BMPR2: variants seen among roughly 807,000 people sequenced by gnomAD.
BMPR2 encodes bone morphogenetic protein receptor type-2.
BMPR2 carries 29 observed loss-of-function variants against 100.8 expected under a neutral mutation model. The ratio of observed to expected loss-of-function variants is 0.29; its 90% CI spans 0.21 to 0.39. BMPR2 has a LOEUF of 0.39. Ranked by LOEUF, BMPR2 falls within the 10% of genes least tolerant of loss-of-function variation. The probability of loss-of-function intolerance (pLI) is 1.00; values close to 1 mark genes in which losing one functional copy is unlikely to be tolerated. For missense variants in BMPR2, 1,011 were observed against 1,274.5 expected, an observed-to-expected ratio of 0.79 and a Z score of 3.15; for synonymous variants, 382 against 442.3, an observed-to-expected ratio of 0.86 and a Z score of 1.71.
intron 1 of BMPR2, among the ~76,000 whole-genome samples, chr2:202,378,111 TG>T (rs1559287147): frequency 6.6e-6 from 1 of 152,242 alleles, no homozygotes; most frequent in Non-Finnish European, 1.5e-5. Flanking sequence ...CTTGATATAT[TG>T]TATTATACGG....
chr2:202,388,550 C>T lies in BMPR2; in HGVS notation c.76+11000C>T, dbSNP rs182423908. 7.9e-5 allele frequency among the ~76,000 whole-genome samples: 12 copies of T among 151,696 alleles called. No individual in the cohort carries two copies. The South Asian group carries it at 1.5e-3, about 18-fold the overall frequency. ...CTTTAATCCCAGCACTTTGGGAGGC[C>T]GAAGCGGGCAGATCACGAGGTCAGG... On this transcript the variant is annotated intron_variant, in intron 1 of 12. Coordinates refer to ENST00000374580, the MANE Select transcript of BMPR2 (RefSeq NM_001204.7).
chr2:202,432,149 C>T (rs983995033), intron 1 of BMPR2, among the ~76,000 whole-genome samples: 9 of 150,710 alleles, frequency 6.0e-5, no homozygotes, highest in Admixed American at 5.9e-4. Context: ...TATTAACTCT[C>T]TTCCCTTTCT....
intron 3 of BMPR2, among the ~76,000 whole-genome samples, chr2:202,508,332 C>A (rs2105997875): frequency 6.6e-6 from 1 of 152,128 alleles, no homozygotes; most frequent in South Asian, 2.1e-4. Flanking sequence ...ACCTCGTGAT[C>A]CACCCGCCTG....
chr2:202,501,706 A>G (rs1417891444), intron 3 of BMPR2, among the ~76,000 whole-genome samples: 1 of 152,242 alleles, frequency 6.6e-6, no homozygotes, highest in Non-Finnish European at 1.5e-5. Context: ...TAAATGGCAT[A>G]CTAGGTGCCA....
In BMPR2 at chr2:202,565,322, C is replaced by T. The variant is rs898839039; in HGVS notation, c.*5376C>T. The stretch of plus-strand genomic sequence containing the variant: ...AATTGCTTAAGCTCTTCTCCTCAGT[C>T]CTATTTTAATGACTTTATATTTAAG... On this transcript the variant is annotated 3_prime_UTR_variant, in exon 13 of 13. Coordinates refer to ENST00000374580, the MANE Select transcript of BMPR2 (RefSeq NM_001204.7). 6 of 152,200 alleles carry T rather than the reference C, an allele frequency of 3.9e-5. No individual in the cohort carries two copies. The highest frequency in any genetic ancestry group is 3.9e-4 in the Admixed American group (6 of 15,280). 9.4% of individuals were successfully genotyped at this position (152,200 alleles called of 1,614,324 possible).
chr2:202,514,968 A>C lies in BMPR2; in HGVS notation c.610A>C (p.Lys204Gln). 2 of 1,614,158 alleles carry C rather than the reference A, an allele frequency of 1.2e-6. No homozygotes were observed. The highest frequency in any genetic ancestry group is 1.7e-6 in the Non-Finnish European group (2 of 1,180,020). The change falls in exon 5 of 13, where the codon AAA (lysine) becomes CAA (glutamine). Residue 204 changes from lysine (K) to glutamine (Q), a missense_variant. Lys to Gln is a moderately conservative substitution (Grantham distance 53, BLOSUM62 1). Around this residue, in one of 6 missense-constraint regions of BMPR2, gnomAD observed 355 missense variants for 455.3 expected, o/e 0.78. Transcript: ENST00000374580. ...SEPSLDLDNL[K>Q]LLELIGRGRY... is the part of the protein sequence containing the mutation. Reference sequence around the variant, plus strand: ...ACCCTCTCTTGATCTAGATAATCTGAAACTGTTGGAGGTAAGTTTGCCGTT... The same window carrying C: ...ACCCTCTCTTGATCTAGATAATCTGCAACTGTTGGAGGTAAGTTTGCCGTT...
chr2:202,561,789 C>G lies in BMPR2; in HGVS notation c.*1843C>G, dbSNP rs1688682246. Reference sequence around the variant, plus strand: ...TGTGATTTACTTGTATATAAGCCTTCTCATTTGCCATGTGCTGTGATCTTA... The same window carrying G: ...TGTGATTTACTTGTATATAAGCCTTGTCATTTGCCATGTGCTGTGATCTTA... On this transcript the variant is annotated 3_prime_UTR_variant, in exon 13 of 13. Coordinates refer to ENST00000374580, the MANE Select transcript of BMPR2 (RefSeq NM_001204.7). 1 of 152,138 alleles carries G rather than the reference C, an allele frequency of 6.6e-6. No homozygotes were observed. The highest frequency in any genetic ancestry group is 2.4e-5 in the African/African-American group (1 of 41,456). The allele number at this position is 152,138 out of a possible 1,614,324, so 9.4% of individuals were successfully genotyped here.
intron 1 of BMPR2, among the ~76,000 whole-genome samples, chr2:202,441,029 G>A (rs1691729301): frequency 6.7e-6 from 1 of 150,332 alleles, no homozygotes; most frequent in South Asian, 2.1e-4. Flanking sequence ...CACCCAGGCT[G>A]GAGTGCAGTG....
At chr2:202,453,817 T>C (rs1692035313) in intron 1 of BMPR2, among the ~76,000 whole-genome samples, 1 of 151,898 alleles carries the variant, frequency 6.6e-6, no homozygotes. Context: ...ACTAATAGAG[T>C]ATAATTGGAT....
At chr2:202,481,056 T>C (rs1039693786) in intron 3 of BMPR2, among the ~76,000 whole-genome samples, 2 of 151,998 alleles carry the variant, frequency 1.3e-5, no homozygotes, top group Non-Finnish European at 2.9e-5. Context: ...CAAGGATCCA[T>C]TGATCCTTAT....
At chr2:202,537,013 C>T (rs1247803402) in intron 9 of BMPR2, among the ~76,000 whole-genome samples, 1 of 152,092 alleles carries the variant, frequency 6.6e-6, no homozygotes, top group Non-Finnish European at 1.5e-5. Flanking sequence ...TCCTCCTGCT[C>T]AGCCTCCTGA....
At chr2:202,504,678 CTTTTTTT>C (rs144161668) in intron 3 of BMPR2, among the ~76,000 whole-genome samples, 3 of 112,474 alleles carry the variant, frequency 2.7e-5, no homozygotes, top group Middle Eastern at 4.2e-3. Context: ...ATAGTAGATT[CTTTTTTT>C]TTTTTTTTTT....
intron 3 of BMPR2, among the ~76,000 whole-genome samples, chr2:202,483,627 T>A (rs1296397230): frequency 6.6e-6 from 1 of 152,082 alleles, no homozygotes; most frequent in African/African-American, 2.4e-5. Flanking sequence ...TGGAACTCCC[T>A]GACCTCAGTG....
intron 7 of BMPR2, among the ~76,000 whole-genome samples, chr2:202,523,233 C>T (rs894686979): frequency 5.9e-5 from 9 of 152,134 alleles, no homozygotes; most frequent in Non-Finnish European, 1.0e-4. Flanking sequence ...CAAAAAACAA[C>T]GGATGCTGTT....
chr2:202,443,684 C>A (rs967695010), intron 1 of BMPR2, among the ~76,000 whole-genome samples: 2 of 150,488 alleles, frequency 1.3e-5, no homozygotes, highest in African/African-American at 5.0e-5. Flanking sequence ...CTGCATCAGC[C>A]TCCCAAGTAG....
At chr2:202,419,270 T>C (rs1268246168) in intron 1 of BMPR2, among the ~76,000 whole-genome samples, 1 of 152,246 alleles carries the variant, frequency 6.6e-6, no homozygotes, top group East Asian at 1.9e-4. Flanking sequence ...TTATTTAAAA[T>C]GCCATGTACT....
intron 1 of BMPR2, among the ~76,000 whole-genome samples, chr2:202,428,570 T>A (rs1322716364): frequency 2.6e-5 from 4 of 152,048 alleles, no homozygotes; most frequent in Admixed American, 1.3e-4. Context: ...TGGCTAATTT[T>A]AAAAAAGTTT....
rs570573271 is a variant in BMPR2, at chr2:202,495,130, C to T, written c.419-18589C>T. 9.1e-4 allele frequency among the ~76,000 whole-genome samples: 138 copies of T among 152,290 alleles called. No homozygotes were observed. Among genetic ancestry groups the T allele is most frequent in the African/African-American group, 3.2e-3 (133 of 41,550 alleles). On this transcript the variant is annotated intron_variant, in intron 3 of 12. Transcript: ENST00000374580. This position sits in a 1 kb window ranked among gnomAD's most constrained non-coding sequence, Gnocchi z 4.5. ...CTTTTAGTTTGCCATCTATAGGCGG[C>T]TTGTGTTAGCTCAATTAGACCCCCT...
At chr2:202,428,616 A>G (rs1226085022) in intron 1 of BMPR2, among the ~76,000 whole-genome samples, 3 of 152,036 alleles carry the variant, frequency 2.0e-5, no homozygotes, top group Middle Eastern at 3.4e-3. Flanking sequence ...CTGTGTTGCC[A>G]GACTGGTCCT....
Sources: allele counts gnomAD v4.1 joint callset (sites outside exome capture counted in the v4.1 genomes callset), GRCh38; gene constraint gnomAD v4.1.1; regional missense constraint gnomAD v4.1.1; non-coding constraint Gnocchi (gnomAD v3.1); transcripts MANE v1.5; gene names NCBI Gene and HGNC (gene_info 2026-07-23, HGNC 2026-07-21).